Variants in RGS17 observed in about 807,000 individuals in gnomAD.
RGS17 encodes the protein regulator of G protein signaling 17, also known as regulator of G-protein signaling 17.
In RGS17, 12 loss-of-function variants were observed where a neutral mutation model predicts 25.5. That is an observed-to-expected ratio of 0.47 (90% CI 0.30 to 0.76). The LOEUF is 0.76. Among genes scored for constraint, RGS17 ranks in the 30% least tolerant of loss-of-function variants. RGS17 has a pLI of 0.07. For synonymous variants in RGS17, 71 were observed against 76.9 expected (o/e 0.92, Z 0.40); for missense variants, 196 against 242.2 (o/e 0.81, Z 1.27).
chr6:153,020,138 ATTTTTTTTTTTTTTTTTTTT>A (rs35590788), intron 4 of RGS17, among the ~76,000 whole-genome samples: 1 of 39,274 alleles, frequency 2.5e-5, no homozygotes, highest in Non-Finnish European at 4.1e-5. Flanking sequence ...ATATATATAT[ATTTTTTTTTTTTTTTTTTTT>A]TTTTTTTTTT....
rs990223959 is a variant in RGS17, at chr6:153,010,175, T to TA, written c.*1398dup. 3.9e-5 allele frequency: 6 copies of TA among 151,926 alleles called. No individual in the cohort carries two copies. In the East Asian group the frequency reaches 7.7e-4, roughly 20 times the overall value. 9.4% of individuals were successfully genotyped at this position (151,926 alleles called of 1,614,324 possible). A position where few individuals can be genotyped will look rare whatever the true frequency, so the allele number is the denominator to read the frequency against. On this transcript the variant is annotated 3_prime_UTR_variant, in exon 5 of 5. Transcript: ENST00000206262. ...GTATTATATTCATTCAGTTTAATATTAAAAAAATAGTCTTCAGGGGATATT... is the reference window on the plus strand; with the variant it reads ...GTATTATATTCATTCAGTTTAATATTAAAAAAAATAGTCTTCAGGGGATATT...
Position 153,010,044 on chromosome 6 carries a change from TAAA to T in RGS17, c.*1527_*1529del, listed in dbSNP as rs1584115474. 1 of 151,752 alleles carries T rather than the reference TAAA, an allele frequency of 6.6e-6. No homozygotes were observed. The highest frequency in any genetic ancestry group is 1.5e-5 in the Non-Finnish European group (1 of 67,770). 9.4% of individuals were successfully genotyped at this position (151,752 alleles called of 1,614,324 possible). On this transcript the variant is annotated 3_prime_UTR_variant, in exon 5 of 5. Coordinates refer to ENST00000206262, the MANE Select transcript of RGS17 (RefSeq NM_012419.5). ...AATAAATTAAAAAATGAGAGGTAGT[TAAA>T]AAAATGACAAAGAAAACCTGTAACT...
chr6:153,113,416 C>A (rs763839123), intron 1 of RGS17, among the ~76,000 whole-genome samples: 10 of 152,118 alleles, frequency 6.6e-5, no homozygotes, highest in Non-Finnish European at 8.8e-5. Flanking sequence ...TACAGGAGCA[C>A]CCAGATTGAT....
At chr6:153,060,988 T>C (rs1446981179) in intron 1 of RGS17, among the ~76,000 whole-genome samples, 4 of 152,246 alleles carry the variant, frequency 2.6e-5, no homozygotes, top group African/African-American at 9.6e-5. Flanking sequence ...AAAAGGAGAA[T>C]GAGAAGGCAT....
intron 3 of RGS17, 90 bp downstream of exon 3, chr6:153,026,364 C>T (rs1428631850): frequency 5.2e-6 from 4 of 765,526 alleles, no homozygotes; most frequent in Non-Finnish European, 8.3e-6. Context: ...TTGAAGAGTA[C>T]CATGAAGCAA....
At position 153,004,596 on chromosome 6, in the gene RGS17, C is replaced by CA. The variant is rs963439629; in HGVS notation, c.*6977dup. On this transcript the variant is annotated 3_prime_UTR_variant, in exon 5 of 5. Coordinates refer to ENST00000206262, the MANE Select transcript of RGS17 (RefSeq NM_012419.5). ...TGTATTTTGATTTACTTTGAAAACT[C>CA]AAACCTATAGTTCGAGACTTCTGAA... The CA allele has an allele frequency of 5.9e-5, 9 of 152,084 alleles. No homozygotes were observed. Among genetic ancestry groups the CA allele is most frequent in the African/African-American group, 2.2e-4 (9 of 41,416 alleles). The allele number at this position is 152,084 out of a possible 1,614,324, so 9.4% of individuals were successfully genotyped here. A position where few individuals can be genotyped will look rare whatever the true frequency, so the allele number is the denominator to read the frequency against.
intron 2 of RGS17, among the ~76,000 whole-genome samples, chr6:153,028,281 G>A (rs1779325275): frequency 6.6e-6 from 1 of 152,206 alleles, no homozygotes; most frequent in Non-Finnish European, 1.5e-5. Flanking sequence ...CTGGGGAGCA[G>A]AAACTAGAGT....
intron 4 of RGS17, among the ~76,000 whole-genome samples, chr6:153,017,376 GAAGTGGTCAACAAA>G (rs1413387718): frequency 3.3e-5 from 5 of 152,150 alleles, no homozygotes; most frequent in Non-Finnish European, 5.9e-5. Flanking sequence ...TCATGAGAGC[GAAGTGGTCAACAAA>G]AGTATGGAGG....
intron 1 of RGS17, among the ~76,000 whole-genome samples, chr6:153,107,632 C>T (rs1223510203): frequency 1.3e-5 from 2 of 151,960 alleles, no homozygotes; most frequent in Non-Finnish European, 2.9e-5. Context: ...ATTTTAACTC[C>T]ACCCAAACAC....
At chr6:153,107,328 T>C (rs1312373657) in intron 1 of RGS17, among the ~76,000 whole-genome samples, 1 of 152,068 alleles carries the variant, frequency 6.6e-6, no homozygotes, top group African/African-American at 2.4e-5. Context: ...AGTGAAAATT[T>C]TGTCTCAAAA....
chr6:153,122,855 G>A (rs1183351289), intron 1 of RGS17, among the ~76,000 whole-genome samples: 2 of 150,938 alleles, frequency 1.3e-5, no homozygotes, highest in Non-Finnish European at 3.0e-5. Context: ...GAGAGTGTGG[G>A]GAAAATCAAA....
At position 153,043,998 on chromosome 6, in the gene RGS17, G is replaced by C; in HGVS notation, c.21C>G (p.Ser7=). 1 of 1,611,958 alleles carries C rather than the reference G, an allele frequency of 6.2e-7. No individual in the cohort carries two copies. The highest frequency in any genetic ancestry group is 8.5e-7 in the Non-Finnish European group (1 of 1,178,900). ...ACACGGCAGGTGTTCCTTCATTTTG[G>C]GACTGCTGCCTTTTTCGCATTTCAG... MRKRQQ[S]QNEGTPAVSQ... is the part of the protein sequence containing the mutation. The change falls in exon 2 of 5, where the codon TCC becomes TCG. Residue 7 remains serine (S), a synonymous_variant. Transcript: ENST00000206262.
rs551263942 is a variant in RGS17 at position 153,049,226 on chromosome 6, T to C, written c.-25-5183A>G. Among the ~76,000 whole-genome samples, 5 of 152,306 alleles carry C rather than the reference T, an allele frequency of 3.3e-5. No individual in the cohort carries two copies. In the East Asian group the frequency reaches 5.8e-4, roughly 18 times the overall value. On this transcript the variant is annotated intron_variant, in intron 1 of 4. Transcript: ENST00000206262. ...GGATGCCAGTTTAAGCTTTAAAATATCATATACTTCTAATACACTAGTAAT... is the reference window on the plus strand; with the variant it reads ...GGATGCCAGTTTAAGCTTTAAAATACCATATACTTCTAATACACTAGTAAT...
chr6:153,087,483 C>A (rs1295879572), intron 1 of RGS17, among the ~76,000 whole-genome samples: 1 of 152,172 alleles, frequency 6.6e-6, no homozygotes, highest in Non-Finnish European at 1.5e-5. Flanking sequence ...ATGCTGCTAT[C>A]CCAAAGTAAA....
chr6:153,121,128 TAAGA>T (rs1204159573), intron 1 of RGS17, among the ~76,000 whole-genome samples: 4 of 152,030 alleles, frequency 2.6e-5, no homozygotes, highest in African/African-American at 9.7e-5. Flanking sequence ...GCACATTAAT[TAAGA>T]AAAAGGAGGC....
At chr6:153,039,114 G>A (rs1468819306) in intron 2 of RGS17, among the ~76,000 whole-genome samples, 1 of 152,152 alleles carries the variant, frequency 6.6e-6, no homozygotes, top group Non-Finnish European at 1.5e-5. Context: ...AGAAAGTTGT[G>A]TTTGGAAATG....
chr6:153,076,802 G>C (rs1426286266), intron 1 of RGS17, among the ~76,000 whole-genome samples: 1 of 152,048 alleles, frequency 6.6e-6, no homozygotes, highest in East Asian at 1.9e-4. Context: ...GGAATACAAG[G>C]CTTCGTCTTA....
rs1376070673 is a variant in RGS17, at chr6:153,004,771, CAT to C, written c.*6801_*6802del. 2.0e-5 allele frequency: 3 copies of C among 152,042 alleles called. No homozygotes were observed. The highest frequency in any genetic ancestry group is 1.9e-4 in the East Asian group (1 of 5,198). The allele number at this position is 152,042 out of a possible 1,614,324, so 9.4% of individuals were successfully genotyped here. ...CCAGAAAAACTTAAATTGGAGGAAA[CAT>C]AATCTGGATTATCTATTCAATTTGT... On this transcript the variant is annotated 3_prime_UTR_variant, in exon 5 of 5. Coordinates refer to ENST00000206262, the MANE Select transcript of RGS17 (RefSeq NM_012419.5).
chr6:153,088,909 G>A lies in RGS17; in HGVS notation c.-26+42215C>T, dbSNP rs76469158. ...TTGGCCTAGGGTAAACACTGCAGCTGTCCGCAGATTATTGTAAGGGAAAAA... is the reference window on the plus strand; with the variant it reads ...TTGGCCTAGGGTAAACACTGCAGCTATCCGCAGATTATTGTAAGGGAAAAA... On this transcript the variant is annotated intron_variant, in intron 1 of 4. Coordinates refer to ENST00000206262, the MANE Select transcript of RGS17 (RefSeq NM_012419.5). Among the ~76,000 whole-genome samples the A allele has an allele frequency of 8.8e-3, 1,268 of 144,900 alleles. 23 individuals are homozygous for A. Among genetic ancestry groups the A allele is most frequent in the African/African-American group, 0.031 (1,209 of 39,596 alleles).
Sources: allele counts gnomAD v4.1 joint callset (sites outside exome capture counted in the v4.1 genomes callset), GRCh38; gene constraint gnomAD v4.1.1; transcripts MANE v1.5; gene names NCBI Gene and HGNC (gene_info 2026-07-23, HGNC 2026-07-21).